METTL2A: variants seen among roughly 807,000 people sequenced by gnomAD.
The protein encoded by METTL2A is tRNA N(3)-cytidine methyltransferase METTL2A.
Under a neutral mutation model 49.4 loss-of-function variants are expected in METTL2A, and 45 were observed. The ratio of observed to expected loss-of-function variants is 0.91; its 90% CI spans 0.72 to 1.17. The LOEUF (loss-of-function observed/expected upper bound fraction) is 1.17. Among genes scored for constraint, METTL2A ranks in the 50% most tolerant of loss-of-function variants. METTL2A has a pLI of 0.00. For synonymous variants in METTL2A, 118 were observed against 167.5 expected, an observed-to-expected ratio of 0.70 and a Z score of 2.28; for missense variants, 361 against 462.2, an observed-to-expected ratio of 0.78 and a Z score of 2.01.
intron 4 of METTL2A, among the ~76,000 whole-genome samples, chr17:62,432,133 C>T (rs9916011): frequency 0.014 from 2,127 of 152,258 alleles, 38 homozygotes; most frequent in African/African-American, 0.047. Context: ...AGTCACTCCC[C>T]ATTTCCCAAT....
At position 62,426,383 on chromosome 17, in the gene METTL2A, T is replaced by C. The variant is rs2070626710; in HGVS notation, c.287T>C (p.Leu96Pro). The C allele has an allele frequency of 6.2e-7, 1 of 1,613,934 alleles. No homozygotes were observed. Reference protein sequence around the residue: ...ENGFFKDRHWLFTEFPELAPS... With the variant: ...ENGFFKDRHWPFTEFPELAPS... ...GGGTTTTTCAAGGATAGACATTGGC[T>C]TTTTACCGAATTCCCTGAGCTGGCA... is the stretch of plus-strand genomic sequence containing the variant. The change falls in exon 3 of 9, where the codon CTT becomes CCT. Residue 96 changes from leucine to proline, a missense_variant. Physicochemically the swap from Leu to Pro is moderately conservative, Grantham distance 98. Transcript: ENST00000311506.
rs777243282 is a variant in METTL2A at position 62,426,295 on chromosome 17, A to G, written c.203-4A>G. 3 of 1,565,826 alleles carry G rather than the reference A, an allele frequency of 1.9e-6. No homozygotes were observed. Among genetic ancestry groups the G allele is most frequent in the African/African-American group, 2.7e-5 (2 of 72,970 alleles). ...TCTTAAAATTTTTTCTTAAATATTT[A>G]CAGTTGATTATGAGATCAATGCCCA... On this transcript the variant is annotated splice_region_variant and splice_polypyrimidine_tract_variant and intron_variant, in intron 2 of 8. Coordinates refer to ENST00000311506, the MANE Select transcript of METTL2A (RefSeq NM_181725.4).
At position 62,451,581 on chromosome 17, in the gene METTL2A, A is replaced by G. The variant is rs2070806125; in HGVS notation, c.*2852A>G. 6.6e-6 allele frequency among the ~76,000 whole-genome samples: 1 copy of G among 151,256 alleles called. No homozygotes were observed. The highest frequency in any genetic ancestry group is 2.4e-5 in the African/African-American group (1 of 41,196). ...AGTTCGAGACCAGCCTGGCCAACTT[A>G]ATGAAACCCCATCACTGCTAACAAT... On this transcript the variant is annotated 3_prime_UTR_variant, in exon 9 of 9. Transcript: ENST00000311506.
chr17:62,452,677 G>T lies in METTL2A; in HGVS notation c.*3948G>T, dbSNP rs986675048. ...CACCCAGGCTGGAATGCAGCAGCAC[G>T]ATCACTGCTCACTGCAGCCTCGACC... On this transcript the variant is annotated 3_prime_UTR_variant, in exon 9 of 9. Coordinates refer to ENST00000311506, the MANE Select transcript of METTL2A (RefSeq NM_181725.4). 6.6e-6 allele frequency among the ~76,000 whole-genome samples: 1 copy of T among 152,128 alleles called. No individual in the cohort carries two copies. The highest frequency in any genetic ancestry group is 1.5e-5 in the Non-Finnish European group (1 of 68,030).
At position 62,424,008 on chromosome 17, in the gene METTL2A, G is replaced by A; in HGVS notation, c.106G>A (p.Ala36Thr). 1 of 1,613,830 alleles carries A rather than the reference G, an allele frequency of 6.2e-7. No individual in the cohort carries two copies. The highest frequency in any genetic ancestry group is 1.1e-5 in the South Asian group (1 of 90,968). Residue 36 changes from alanine (A) to threonine (T), a missense_variant, in exon 1 of 9, where the codon GCC (alanine) becomes ACC (threonine). Ala to Thr is a moderately conservative substitution (Grantham distance 58, BLOSUM62 0). Around this residue, in one of 3 missense-constraint regions of METTL2A, gnomAD observed 150 missense variants for 170.1 expected, o/e 0.88. Transcript: ENST00000311506. ...RDPARVFHHNAWDNVEWSEEQ... is the reference protein window; with the variant it reads ...RDPARVFHHNTWDNVEWSEEQ... The stretch of plus-strand genomic sequence containing the variant: ...TCCGGCGCGCGTCTTCCACCACAAT[G>A]CCTGGTAATCACTCTGCCCCTTCGC...
intron 5 of METTL2A, among the ~76,000 whole-genome samples, chr17:62,437,783 C>T (rs1359023814): frequency 6.6e-6 from 1 of 151,790 alleles, no homozygotes; most frequent in African/African-American, 2.4e-5. Flanking sequence ...ACCATCCTGA[C>T]CAATATGGTG....
chr17:62,423,969 C>A lies in METTL2A; in HGVS notation c.67C>A (p.Arg23=), dbSNP rs1350648976. Residue 23 remains arginine (R), a synonymous_variant, in exon 1 of 9, where the codon CGG becomes AGG. Coordinates refer to ENST00000311506, the MANE Select transcript of METTL2A (RefSeq NM_181725.4). ...CGATAAGAGGCAGCAGTTCGGAAGC[C>A]GGTTCCTGAGAGATCCGGCGCGCGT... ...LADKRQQFGS[R]FLRDPARVFH... The A allele has an allele frequency of 3.1e-6, 5 of 1,613,934 alleles. No individual in the cohort carries two copies. In the Admixed American group the frequency reaches 6.7e-5, roughly 22 times the overall value.
intron 4 of METTL2A, among the ~76,000 whole-genome samples, chr17:62,429,145 A>G (rs1177482644): frequency 1.3e-5 from 2 of 152,196 alleles, no homozygotes; most frequent in Non-Finnish European, 2.9e-5. Context: ...TAAAAGGAGA[A>G]GAAGAAAATA....
intron 4 of METTL2A, among the ~76,000 whole-genome samples, chr17:62,432,610 T>C (rs1028741794): frequency 6.6e-5 from 10 of 152,058 alleles, no homozygotes; most frequent in Admixed American, 5.2e-4. Context: ...CCATCCTGGC[T>C]AACACAGTGA....
At chr17:62,447,937 C>A (rs961838420) in intron 8 of METTL2A, among the ~76,000 whole-genome samples, 171 bp downstream of exon 8, 7 of 152,238 alleles carry the variant, frequency 4.6e-5, no homozygotes, top group African/African-American at 1.7e-4. Context: ...CTACCCATGG[C>A]AGCCAGGCAC....
intron 2 of METTL2A, among the ~76,000 whole-genome samples, chr17:62,425,701 A>C (rs376094365): frequency 7.0e-6 from 1 of 143,008 alleles, no homozygotes; most frequent in South Asian, 2.3e-4. Context: ...AGGATTTTTT[A>C]ATAGTTAAAA....
intron 2 of METTL2A, among the ~76,000 whole-genome samples, chr17:62,424,735 G>A (rs1248099897): frequency 6.6e-6 from 1 of 151,926 alleles, no homozygotes; most frequent in Non-Finnish European, 1.5e-5. Flanking sequence ...CTAGTGACTG[G>A]TGACTGTGTG....
intron 5 of METTL2A, among the ~76,000 whole-genome samples, chr17:62,439,527 G>A (rs556638406): frequency 2.6e-3 from 389 of 152,046 alleles, no homozygotes; most frequent in Non-Finnish European, 4.5e-3. Context: ...TCCGCCTCCC[G>A]GGTTCACGCC....
chr17:62,435,372 G>A, intron 5 of METTL2A, 80 bp downstream of exon 5: 1 of 1,587,978 alleles, frequency 6.3e-7, no homozygotes. Context: ...AAGGTCTCTG[G>A]CTGTGTTCTT....
In METTL2A at chr17:62,440,303, G is replaced by A. The variant is rs575656058; in HGVS notation, c.670-314G>A. ...GCCTCCCAAAGTGCTGGGATTACAGGCATGAGTCTCCACATCCTTGCCATT... is the reference window on the plus strand; with the variant it reads ...GCCTCCCAAAGTGCTGGGATTACAGACATGAGTCTCCACATCCTTGCCATT... On this transcript the variant is annotated intron_variant, in intron 5 of 8. Coordinates refer to ENST00000311506, the MANE Select transcript of METTL2A (RefSeq NM_181725.4). 1.1e-4 allele frequency among the ~76,000 whole-genome samples: 17 copies of A among 152,230 alleles called. No homozygotes were observed. In the South Asian group the frequency reaches 1.9e-3, roughly 17 times the overall value.
chr17:62,447,287 G>A (rs2070775253), intron 7 of METTL2A, among the ~76,000 whole-genome samples: 1 of 152,138 alleles, frequency 6.6e-6, no homozygotes, highest in African/African-American at 2.4e-5. Context: ...GGGCATGGTG[G>A]TGGGAACCTG....
At chr17:62,448,085 G>A (rs771036820) in intron 8 of METTL2A, among the ~76,000 whole-genome samples, 62 of 152,172 alleles carry the variant, frequency 4.1e-4, no homozygotes, top group Middle Eastern at 3.2e-3. Context: ...CTCTACACGG[G>A]GTTGTGCTTT....
chr17:62,445,055 A>G (rs1567737531), intron 7 of METTL2A, 112 bp downstream of exon 7: 12 of 1,229,194 alleles, frequency 9.8e-6, no homozygotes, highest in South Asian at 5.3e-5. Context: ...AGAAAACCAA[A>G]CACCACTTTT....
At position 62,450,409 on chromosome 17, in the gene METTL2A, G is replaced by C. The variant is rs1598039961; in HGVS notation, c.*1680G>C. 1.3e-5 allele frequency: 2 copies of C among 151,720 alleles called. No individual in the cohort carries two copies. The allele number at this position is 151,720 out of a possible 1,614,324, so 9.4% of individuals were successfully genotyped here. On this transcript the variant is annotated 3_prime_UTR_variant, in exon 9 of 9. Transcript: ENST00000311506. ...CCTGAGTAGCTAGGACTGCAGGTGGGCACCATCATGCCTAGCTAATTGTTA... is the reference window on the plus strand; with the variant it reads ...CCTGAGTAGCTAGGACTGCAGGTGGCCACCATCATGCCTAGCTAATTGTTA...
Sources: allele counts gnomAD v4.1 joint callset (sites outside exome capture counted in the v4.1 genomes callset), GRCh38; gene constraint gnomAD v4.1.1; regional missense constraint gnomAD v4.1.1; transcripts MANE v1.5; gene names NCBI Gene and HGNC (gene_info 2026-07-23, HGNC 2026-07-21).